Variants in COG6 observed in about 807,000 individuals in gnomAD.
The protein encoded by COG6 is conserved oligomeric Golgi complex subunit 6.
In COG6, 74 loss-of-function variants were observed where a neutral mutation model predicts 88.8. The observed-to-expected ratio is 0.83, with a 90% confidence interval of 0.69 to 1.01. The LOEUF is 1.01. COG6 is among the 50% of genes least tolerant of loss of function. The probability of loss-of-function intolerance (pLI) is 0.00; values close to 1 mark genes in which losing one functional copy is unlikely to be tolerated. For synonymous variants in COG6, 286 were observed against 278.7 expected, an observed-to-expected ratio of 1.03 and a Z score of -0.26; for missense variants, 800 against 797.9, an observed-to-expected ratio of 1.00 and a Z score of -0.03.
rs143478618 is a variant in COG6 at position 39,678,975 on chromosome 13, G to A, written c.541-563G>A. On this transcript the variant is annotated intron_variant, in intron 5 of 18. Transcript: ENST00000455146. Reference sequence around the variant, plus strand: ...TTCATCAAAGAAAAATAACACATCCGTTATTTTTCGTGGGTGGAACACTAT... The same window carrying A: ...TTCATCAAAGAAAAATAACACATCCATTATTTTTCGTGGGTGGAACACTAT... Among the ~76,000 whole-genome samples, 329 of 151,916 alleles carry A rather than the reference G, an allele frequency of 2.2e-3. 2 individuals carry two copies. Among genetic ancestry groups the A allele is most frequent in the African/African-American group, 7.6e-3 (313 of 41,430 alleles).
chr13:39,663,746 G>A (rs1188268169), intron 3 of COG6, among the ~76,000 whole-genome samples: 1 of 152,036 alleles, frequency 6.6e-6, no homozygotes. Context: ...AAGTTAGCCA[G>A]GCATGGTGGC....
chr13:39,705,273 T>A (rs1232651025), intron 13 of COG6, among the ~76,000 whole-genome samples: 1 of 152,158 alleles, frequency 6.6e-6, no homozygotes, highest in Non-Finnish European at 1.5e-5. Flanking sequence ...GCTTTTGTGC[T>A]TTTAAAAAGA....
intron 18 of COG6, among the ~76,000 whole-genome samples, chr13:39,771,576 A>G (rs1052863549): frequency 1.3e-5 from 2 of 152,232 alleles, no homozygotes; most frequent in African/African-American, 4.8e-5. Context: ...TCTTGGTTCC[A>G]TCTCTCATTT....
intron 18 of COG6, among the ~76,000 whole-genome samples, chr13:39,737,455 C>G (rs975256311): frequency 1.3e-5 from 2 of 151,256 alleles, no homozygotes; most frequent in Admixed American, 1.3e-4. Flanking sequence ...GTCTGGGATG[C>G]AGGGCCTGGA....
chr13:39,743,690 G>A (rs900759575), intron 18 of COG6, among the ~76,000 whole-genome samples: 1 of 152,222 alleles, frequency 6.6e-6, no homozygotes, highest in South Asian at 2.1e-4. Flanking sequence ...AGAGGAGCTG[G>A]TACCATCCAT....
chr13:39,672,023 C>CA (rs1875675440), intron 4 of COG6, among the ~76,000 whole-genome samples: 1 of 151,946 alleles, frequency 6.6e-6, no homozygotes, highest in Non-Finnish European at 1.5e-5. Flanking sequence ...GAAAACTTTT[C>CA]AACTGAATAT....
At chr13:39,766,463 C>T (rs1461730895) in intron 18 of COG6, among the ~76,000 whole-genome samples, 1 of 152,066 alleles carries the variant, frequency 6.6e-6, no homozygotes, top group East Asian at 1.9e-4. Context: ...ACAAGAGTAG[C>T]CTTTGTAACT....
At chr13:39,673,296 T>TTTTA (rs1241294458) in intron 4 of COG6, among the ~76,000 whole-genome samples, 3 of 152,014 alleles carry the variant, frequency 2.0e-5, no homozygotes, top group Admixed American at 6.6e-5. Flanking sequence ...TGTATTGAAG[T>TTTTA]TATTTTATCT....
At position 39,702,628 on chromosome 13, in the gene COG6, G is replaced by C. The variant is rs1003629832; in HGVS notation, c.1284+3010G>C. 2.0e-5 allele frequency among the ~76,000 whole-genome samples: 3 copies of C among 151,996 alleles called. No individual in the cohort carries two copies. In the East Asian group the frequency reaches 5.8e-4, roughly 29 times the overall value. On this transcript the variant is annotated intron_variant, in intron 13 of 18. Transcript: ENST00000455146. The stretch of plus-strand genomic sequence containing the variant: ...TCATAATTAATATTGACACACTAGT[G>C]GTTCTTCTATTTAAGTGAAGAACAA...
chr13:39,704,655 A>AT (rs1192352212), intron 13 of COG6, among the ~76,000 whole-genome samples: 1 of 152,166 alleles, frequency 6.6e-6, no homozygotes, highest in African/African-American at 2.4e-5. Flanking sequence ...TTTAAGGGTC[A>AT]TCTGTAATGG....
chr13:39,751,798 C>G lies in COG6; in HGVS notation c.*705C>G, dbSNP rs1202758100. 1 of 1,287,096 alleles carries G rather than the reference C, an allele frequency of 7.8e-7. No homozygotes were observed. The highest frequency in any genetic ancestry group is 1.2e-5 in the South Asian group (1 of 80,936). The allele number at this position is 1,287,096 out of a possible 1,614,324, so 79.7% of individuals were successfully genotyped here. On this transcript the variant is annotated 3_prime_UTR_variant, in exon 19 of 19. Coordinates refer to ENST00000455146, the MANE Select transcript of COG6 (RefSeq NM_020751.3). ...CAGGGTGGATTCCACTCTGTGGGAGCCTTCGATGGAACTCAAGGTGGAGCT... is the reference window on the plus strand; with the variant it reads ...CAGGGTGGATTCCACTCTGTGGGAGGCTTCGATGGAACTCAAGGTGGAGCT...
intron 18 of COG6, among the ~76,000 whole-genome samples, chr13:39,730,678 G>A (rs1203928419): frequency 1.3e-5 from 2 of 148,154 alleles, no homozygotes; most frequent in Non-Finnish European, 3.0e-5. Context: ...GGAGGCTGAG[G>A]CAGGAGAATC....
At chr13:39,731,445 A>G (rs1879448099) in intron 18 of COG6, among the ~76,000 whole-genome samples, 1 of 152,334 alleles carries the variant, frequency 6.6e-6, no homozygotes, top group Middle Eastern at 3.4e-3. Context: ...TCTATTTTCA[A>G]TGCAAAATCT....
At chr13:39,726,738 A>G (rs1043972604) in intron 17 of COG6, among the ~76,000 whole-genome samples, 8 of 151,928 alleles carry the variant, frequency 5.3e-5, no homozygotes, top group Admixed American at 1.3e-4. Flanking sequence ...ATCTCTACTT[A>G]TATGTTTTCC....
chr13:39,667,889 A>C (rs1875370006), intron 4 of COG6, among the ~76,000 whole-genome samples: 1 of 152,186 alleles, frequency 6.6e-6, no homozygotes, highest in Non-Finnish European at 1.5e-5. Context: ...AAAAGGCTAA[A>C]TTTTATTATA....
chr13:39,698,482 A>G (rs1877398022), intron 12 of COG6, among the ~76,000 whole-genome samples: 1 of 151,962 alleles, frequency 6.6e-6, no homozygotes, highest in African/African-American at 2.4e-5. Context: ...CACTTTACTA[A>G]TAATTTACAT....
intron 18 of COG6, among the ~76,000 whole-genome samples, chr13:39,784,073 A>G (rs1881706369): frequency 6.6e-6 from 1 of 152,190 alleles, no homozygotes; most frequent in African/African-American, 2.4e-5. Flanking sequence ...ATCTGGTCAC[A>G]TAACACGGTC....
At chr13:39,778,515 G>A (rs569180045) in intron 18 of COG6, among the ~76,000 whole-genome samples, 2 of 152,336 alleles carry the variant, frequency 1.3e-5, no homozygotes, top group South Asian at 2.1e-4. Context: ...CTTAGTATCA[G>A]GAGAGGATAT....
At chr13:39,681,224 G>A (rs575503680) in intron 7 of COG6, among the ~76,000 whole-genome samples, 111 of 152,310 alleles carry the variant, frequency 7.3e-4, no homozygotes, top group African/African-American at 2.1e-3. Context: ...ACTATGCTGC[G>A]CAAATGGAAT....
Sources: allele counts gnomAD v4.1 joint callset (sites outside exome capture counted in the v4.1 genomes callset), GRCh38; gene constraint gnomAD v4.1.1; transcripts MANE v1.5; gene names NCBI Gene and HGNC (gene_info 2026-07-23, HGNC 2026-07-21).